The following SUZ12 variants were observed in gnomAD, a reference collection of about 807,000 sequenced individuals.
SUZ12 encodes polycomb protein SUZ12.
SUZ12 carries 17 observed loss-of-function variants against 87.3 expected under a neutral mutation model. That is an observed-to-expected ratio of 0.19 (90% CI 0.13 to 0.29). The LOEUF (loss-of-function observed/expected upper bound fraction) is 0.29, where lower values mean the gene tolerates loss of function less well. SUZ12 is among the 10% of genes least tolerant of loss of function. The probability of loss-of-function intolerance (pLI) is 1.00; values close to 1 mark genes in which losing one functional copy is unlikely to be tolerated. For synonymous variants in SUZ12, 253 were observed against 312.4 expected (o/e 0.81, Z 2.01); for missense variants, 526 against 912.2 (o/e 0.58, Z 5.45).
intron 4 of SUZ12, among the ~76,000 whole-genome samples, chr17:31,958,594 TC>T (rs1312271079): frequency 6.6e-6 from 1 of 152,114 alleles, no homozygotes; most frequent in Non-Finnish European, 1.5e-5. Flanking sequence ...ACGCCTGTAA[TC>T]CCAGCACTTT....
chr17:31,948,926 C>G (rs535720416), intron 4 of SUZ12, among the ~76,000 whole-genome samples: 1 of 152,172 alleles, frequency 6.6e-6, no homozygotes, highest in Non-Finnish European at 1.5e-5. Context: ...TGTCTGGTCA[C>G]CCACCCTAGA....
intron 4 of SUZ12, among the ~76,000 whole-genome samples, chr17:31,955,071 C>A (rs938359481): frequency 2.0e-5 from 3 of 152,118 alleles, no homozygotes; most frequent in African/African-American, 7.2e-5. Context: ...ACTGCATCCT[C>A]GAACTTCCAG....
Position 31,999,961 on chromosome 17 carries a change from TTGTAA to T in SUZ12, c.*962_*966del, listed in dbSNP as rs2142224424. On this transcript the variant is annotated 3_prime_UTR_variant, in exon 16 of 16. Coordinates refer to ENST00000322652, the MANE Select transcript of SUZ12 (RefSeq NM_015355.4). ...CTTTTATTTGTTTGCAAGGATGTCT[TTGTAA>T]TGTGTTTCATGAATAGAATATCCAA... is the stretch of plus-strand genomic sequence containing the variant. 4.3e-6 allele frequency: 1 copy of T among 232,808 alleles called. No individual in the cohort carries two copies. Among genetic ancestry groups the T allele is most frequent in the African/African-American group, 2.2e-5 (1 of 45,456 alleles). 14.4% of individuals were successfully genotyped at this position (232,808 alleles called of 1,614,324 possible).
intron 11 of SUZ12, among the ~76,000 whole-genome samples, chr17:31,993,621 A>G (rs1424809444): frequency 6.6e-6 from 1 of 151,900 alleles, no homozygotes; most frequent in Non-Finnish European, 1.5e-5. Context: ...AGGTTTTACC[A>G]TGTTGCCCAG....
chr17:31,984,692 C>A (rs770056828), intron 9 of SUZ12, among the ~76,000 whole-genome samples: 10 of 152,020 alleles, frequency 6.6e-5, no homozygotes, highest in Non-Finnish European at 1.5e-4. Context: ...CTTAAAAAAA[C>A]AAATATAGAT....
At chr17:31,947,856 G>A (rs1337428707) in intron 4 of SUZ12, among the ~76,000 whole-genome samples, 171 bp downstream of exon 4, 34 of 152,026 alleles carry the variant, frequency 2.2e-4, no homozygotes, top group Non-Finnish European at 1.8e-4. Context: ...AGCATTCCTG[G>A]CAGAGAATAC....
chr17:31,961,237 CAAAG>C (rs925140922), intron 4 of SUZ12, among the ~76,000 whole-genome samples: 2 of 150,854 alleles, frequency 1.3e-5, no homozygotes, highest in Admixed American at 6.6e-5. Context: ...TTCTTTCTCA[CAAAG>C]AAACACTAGT....
chr17:31,970,721 T>C (rs1362630827), intron 5 of SUZ12, among the ~76,000 whole-genome samples: 1 of 151,826 alleles, frequency 6.6e-6, no homozygotes, highest in African/African-American at 2.4e-5. Context: ...AGAACTGCTT[T>C]AACCCAGGAG....
intron 9 of SUZ12, among the ~76,000 whole-genome samples, chr17:31,986,509 T>C (rs1331819764): frequency 6.6e-6 from 1 of 152,182 alleles, no homozygotes; most frequent in African/African-American, 2.4e-5. Context: ...AACTAGTCTC[T>C]GAACACACTT....
Position 31,937,371 on chromosome 17 carries a change from G to A in SUZ12, c.125G>A (p.Gly42Asp). The change falls in exon 1 of 16, where the codon GGC (glycine) becomes GAC (aspartate). Residue 42 changes from glycine to aspartate, a missense_variant. Transcript: ENST00000322652. ...AAATASGGKS[G>D]GGSCGGGGSY... ...GCGACGGCTTCGGGCGGCAAATCCG[G>A]CGGCGGGAGCTGTGGAGGGGGTGGC... 2.0e-6 allele frequency: 3 copies of A among 1,503,710 alleles called. No individual in the cohort carries two copies. The highest frequency in any genetic ancestry group is 1.8e-6 in the Non-Finnish European group (2 of 1,128,864). 93.1% of individuals were successfully genotyped at this position (1,503,710 alleles called of 1,614,324 possible).
intron 11 of SUZ12, among the ~76,000 whole-genome samples, chr17:31,993,550 G>A (rs1339927211): frequency 6.6e-6 from 1 of 152,026 alleles, no homozygotes; most frequent in African/African-American, 2.4e-5. Flanking sequence ...AGCCTCACGA[G>A]TAACTAATTA....
intron 4 of SUZ12, among the ~76,000 whole-genome samples, chr17:31,955,512 G>A (rs1907259297): frequency 6.6e-6 from 1 of 152,062 alleles, no homozygotes; most frequent in Admixed American, 6.6e-5. Context: ...ACTTTTGGAG[G>A]CCGAGGCGGG....
chr17:32,000,273 C>G lies in SUZ12; in HGVS notation c.*1270C>G, dbSNP rs1567842656. ...TTTTTAATTTTAAAATTTCATTCCA[C>G]CACCATCAGATGCAGTTCCCTATTT... On this transcript the variant is annotated 3_prime_UTR_variant, in exon 16 of 16. Transcript: ENST00000322652. 2 of 232,952 alleles carry G rather than the reference C, an allele frequency of 8.6e-6. No homozygotes were observed. The highest frequency in any genetic ancestry group is 8.5e-6 in the Non-Finnish European group (1 of 117,802). The allele number at this position is 232,952 out of a possible 1,614,324, so 14.4% of individuals were successfully genotyped here. A position where few individuals can be genotyped will look rare whatever the true frequency, so the allele number is the denominator to read the frequency against.
At chr17:31,979,664 A>G (rs1908981506) in intron 8 of SUZ12, among the ~76,000 whole-genome samples, 2 of 152,228 alleles carry the variant, frequency 1.3e-5, no homozygotes, top group Admixed American at 6.5e-5. Flanking sequence ...TACGTACTAC[A>G]TCACAGACAA....
rs534874334 is a variant in SUZ12, at chr17:31,986,117, C to T, written c.1024-2203C>T. On this transcript the variant is annotated intron_variant, in intron 9 of 15. Coordinates refer to ENST00000322652, the MANE Select transcript of SUZ12 (RefSeq NM_015355.4). ...CTGAATAGTTGAGATTACTGGCATG[C>T]GCCACCAGGCCTGGGGGTTTCACCA... Among the ~76,000 whole-genome samples the T allele has an allele frequency of 4.6e-5, 7 of 151,966 alleles. No homozygotes were observed. In the South Asian group the frequency reaches 6.2e-4, roughly 14 times the overall value.
chr17:31,972,656 T>G (rs1452793677), intron 5 of SUZ12, among the ~76,000 whole-genome samples: 1 of 151,998 alleles, frequency 6.6e-6, no homozygotes, highest in Non-Finnish European at 1.5e-5. Context: ...TTAAGTGATA[T>G]TCTTGCCTTG....
chr17:31,973,147 TA>T lies in SUZ12; in HGVS notation c.509del (p.Lys170SerfsTer20). 1 of 1,538,944 alleles carries T rather than the reference TA, an allele frequency of 6.5e-7. No individual in the cohort carries two copies. Among genetic ancestry groups the T allele is most frequent in the African/African-American group, 1.4e-5 (1 of 70,614 alleles). On this transcript the variant is annotated frameshift_variant and splice_region_variant, in exon 6 of 16. Transcript: ENST00000322652. LOFTEE classifies it high-confidence loss of function. Reference protein sequence around the residue: ...TFTGFFHKNDKPSPNSENEQN... With the variant: ...TFTGFFHKNDXPSPNSENEQN... Reference sequence around the variant, plus strand: ...TTAAAATACTGATTTTCTATTTAGATAAGCCATCACCAAACTCAGAAAATGA... The same window carrying T: ...TTAAAATACTGATTTTCTATTTAGATAGCCATCACCAAACTCAGAAAATGA...
At chr17:31,988,539 C>G (rs967479631) in intron 10 of SUZ12, 42 bp downstream of exon 10, 5 of 1,531,570 alleles carry the variant, frequency 3.3e-6, no homozygotes, top group Non-Finnish European at 4.4e-6. Flanking sequence ...TAATGGTTTG[C>G]AGAGTTAGGT....
At chr17:31,993,798 A>G (rs1159508837) in intron 11 of SUZ12, 67 bp from the exon 12 acceptor site, 25 of 1,457,618 alleles carry the variant, frequency 1.7e-5, no homozygotes, top group Non-Finnish European at 2.3e-5. Flanking sequence ...TTTAGAAGTG[A>G]TATTTAAACA....
Sources: gnomAD v4.1 joint callset for allele counts (sites outside exome capture counted in the v4.1 genomes callset) on GRCh38, gnomAD v4.1.1 for gene constraint, MANE v1.5 for transcripts, NCBI Gene and HGNC (gene_info 2026-07-23, HGNC 2026-07-21) for gene names.